The following C2orf74 variants were observed in gnomAD, a reference collection of about 807,000 sequenced individuals.
C2orf74 encodes uncharacterized protein C2orf74.
C2orf74 carries 14 observed loss-of-function variants against 17.9 expected under a neutral mutation model. That is an observed-to-expected ratio of 0.78 (90% CI 0.52 to 1.22). The LOEUF is 1.22. C2orf74 is among the 50% of genes most tolerant of loss of function. The probability of loss-of-function intolerance (pLI) is 0.00; values close to 1 mark genes in which losing one functional copy is unlikely to be tolerated. For synonymous variants in C2orf74, 79 were observed against 72.6 expected (o/e 1.09, Z -0.44); for missense variants, 217 against 218.4 (o/e 0.99, Z 0.04).
At chr2:61,148,770 G>A (rs1424971350) in intron 1 of C2orf74, among the ~76,000 whole-genome samples, 1 of 152,058 alleles carries the variant, frequency 6.6e-6, no homozygotes, top group East Asian at 1.9e-4. Flanking sequence ...AGGCTGGAGT[G>A]CAATGGCACA....
chr2:61,146,492 A>G (rs1278350412), intron 1 of C2orf74, among the ~76,000 whole-genome samples: 1 of 152,216 alleles, frequency 6.6e-6, no homozygotes, highest in Non-Finnish European at 1.5e-5. Context: ...TTCATTAAAA[A>G]CAAAAATAAC....
At chr2:61,162,776 T>C (rs1685602126) in intron 2 of C2orf74, 66 bp from the exon 3 acceptor site, 1 of 1,346,268 alleles carries the variant, frequency 7.4e-7, no homozygotes, top group African/African-American at 1.5e-5. Context: ...ACGTGAAGTT[T>C]CTATACCACA....
intron 1 of C2orf74, among the ~76,000 whole-genome samples, chr2:61,153,966 C>T (rs568022383): frequency 3.3e-5 from 5 of 151,830 alleles, no homozygotes; most frequent in East Asian, 1.9e-4. Context: ...TGGCTAGGCG[C>T]GATGGCTCAC....
chr2:61,149,693 C>G (rs1194352303), intron 1 of C2orf74, among the ~76,000 whole-genome samples: 3 of 151,294 alleles, frequency 2.0e-5, no homozygotes, highest in Admixed American at 2.0e-4. Flanking sequence ...ATTCTCCTGC[C>G]TCAGCCTCAC....
intron 4 of C2orf74, 138 bp downstream of exon 4, chr2:61,163,370 A>T (rs2420811): frequency 0.39 from 338,757 of 863,102 alleles, 68,526 homozygotes; most frequent in Middle Eastern, 0.52. Flanking sequence ...GCATTTTGGG[A>T]GGCCAAGGAG....
At chr2:61,156,138 G>T (rs1319664151) in intron 1 of C2orf74, among the ~76,000 whole-genome samples, 2 of 152,186 alleles carry the variant, frequency 1.3e-5, no homozygotes. Flanking sequence ...GGTTAAGGCT[G>T]CAGTGAGCTA....
In C2orf74 at chr2:61,163,294, A is replaced by C. The variant is rs1237121682; in HGVS notation, c.390+62A>C. 2.0e-6 allele frequency: 3 copies of C among 1,488,290 alleles called. No individual in the cohort carries two copies. The African/African-American group carries it at 4.2e-5, about 21-fold the overall frequency. The allele number at this position is 1,488,290 out of a possible 1,614,324, so 92.2% of individuals were successfully genotyped here. A position where few individuals can be genotyped will look rare whatever the true frequency, so the allele number is the denominator to read the frequency against. On this transcript the variant is annotated intron_variant, in intron 4 of 4. Transcript: ENST00000432605. Reference sequence around the variant, plus strand: ...ATTTGTTTGATTGAAAATAAGGTACATTCCTCAGCTAGGTATAATAATAGG... The same window carrying C: ...ATTTGTTTGATTGAAAATAAGGTACCTTCCTCAGCTAGGTATAATAATAGG...
At chr2:61,154,955 C>G (rs1559181724) in intron 1 of C2orf74, among the ~76,000 whole-genome samples, 1 of 151,750 alleles carries the variant, frequency 6.6e-6, no homozygotes, top group East Asian at 1.9e-4. Context: ...ATCCCAGCTA[C>G]TTGGGAGGCT....
intron 1 of C2orf74, among the ~76,000 whole-genome samples, chr2:61,147,523 T>C (rs1444013978): frequency 1.3e-5 from 2 of 152,230 alleles, no homozygotes; most frequent in Non-Finnish European, 2.9e-5. Flanking sequence ...CAGACTACTT[T>C]TTTTTGTCAA....
rs964923984 is a variant in C2orf74, at chr2:61,162,247, C to A, written c.-173C>A. On this transcript the variant is annotated 5_prime_UTR_variant, in exon 1 of 5. Transcript: ENST00000432605. Reference sequence around the variant, plus strand: ...GGGTGAGGGAGGTGAGCTGCGTGATCACACATGTCCCAGCTCAGTCTCCCC... The same window carrying A: ...GGGTGAGGGAGGTGAGCTGCGTGATAACACATGTCCCAGCTCAGTCTCCCC... 2.3e-5 allele frequency: 11 copies of A among 468,472 alleles called. No individual in the cohort carries two copies. The highest frequency in any genetic ancestry group is 1.4e-4 in the South Asian group (4 of 29,254). 29.0% of individuals were successfully genotyped at this position (468,472 alleles called of 1,614,324 possible).
At chr2:61,156,949 A>G (rs1685409323) in intron 1 of C2orf74, among the ~76,000 whole-genome samples, 1 of 152,174 alleles carries the variant, frequency 6.6e-6, no homozygotes, top group Non-Finnish European at 1.5e-5. Flanking sequence ...TTGCAGACCA[A>G]TGACAATTTA....
chr2:61,156,511 T>C (rs1559183364), intron 1 of C2orf74, among the ~76,000 whole-genome samples: 1 of 152,338 alleles, frequency 6.6e-6, no homozygotes, highest in East Asian at 1.9e-4. Flanking sequence ...AATATTTTAA[T>C]ATCAGAGTTG....
rs1685595935 is a variant in C2orf74, at chr2:61,162,618, C to A, written c.95+9C>A. ...GTTTTTTTATATAAATGGTATAAAT[C>A]CATGCTGATAATTGGGATCAGATTT... On this transcript the variant is annotated intron_variant, in intron 2 of 4. Coordinates refer to ENST00000432605, the MANE Select transcript of C2orf74 (RefSeq NM_001143959.4). 2 of 1,458,444 alleles carry A rather than the reference C, an allele frequency of 1.4e-6. No individual in the cohort carries two copies. Among genetic ancestry groups the A allele is most frequent in the Non-Finnish European group, 9.4e-7 (1 of 1,064,038 alleles). The allele number at this position is 1,458,444 out of a possible 1,614,324, so 90.3% of individuals were successfully genotyped here. A position where few individuals can be genotyped will look rare whatever the true frequency, so the allele number is the denominator to read the frequency against.
At position 61,162,885 on chromosome 2, in the gene C2orf74, A is replaced by G; in HGVS notation, c.139A>G (p.Thr47Ala). ...TAAAGAGACAAAGAAAGTGCCTTGT[A>G]CAGATGCAAACGGAGGTGTAGACTG... ...KGKETKKVPCTDANGGVDCAA... is the reference protein window; with the variant it reads ...KGKETKKVPCADANGGVDCAA... Residue 47 changes from threonine (T) to alanine (A), a missense_variant, in exon 3 of 5, where the codon ACA becomes GCA. By Grantham distance (58) the Thr-to-Ala change is moderately conservative. Coordinates refer to ENST00000432605, the MANE Select transcript of C2orf74 (RefSeq NM_001143959.4). 1.9e-6 allele frequency: 3 copies of G among 1,552,522 alleles called. No individual in the cohort carries two copies. Among genetic ancestry groups the G allele is most frequent in the Non-Finnish European group, 2.6e-6 (3 of 1,147,150 alleles).
intron 1 of C2orf74, among the ~76,000 whole-genome samples, chr2:61,153,359 C>G (rs1366619211): frequency 6.6e-6 from 1 of 151,742 alleles, no homozygotes; most frequent in South Asian, 2.1e-4. Flanking sequence ...CAGCTCACTG[C>G]AAGCTCCTCC....
chr2:61,157,818 G>A (rs532218130), upstream of C2orf74: 599 of 465,230 alleles, frequency 1.3e-3, no homozygotes, highest in Middle Eastern at 3.1e-3. Context: ...TCCTTTGAGC[G>A]TGCTCACTCA....
At position 61,162,478 on chromosome 2, in the gene C2orf74, G is replaced by A; in HGVS notation, c.-37G>A. ...CTGGAAAAGAATATTTGGACAGTCT[G>A]TGATTGTGAGAGTGGATGAGTCTTC... On this transcript the variant is annotated 5_prime_UTR_variant, in exon 2 of 5. The change creates a new upstream start codon in the 5' untranslated region. Coordinates refer to ENST00000432605, the MANE Select transcript of C2orf74 (RefSeq NM_001143959.4). The A allele has an allele frequency of 6.9e-7, 1 of 1,447,964 alleles. No homozygotes were observed. The allele number at this position is 1,447,964 out of a possible 1,614,324, so 89.7% of individuals were successfully genotyped here.
chr2:61,160,726 G>A (rs1685539719), upstream of C2orf74, among the ~76,000 whole-genome samples: 3 of 151,992 alleles, frequency 2.0e-5, no homozygotes, highest in African/African-American at 7.3e-5. Context: ...CTGACCTCAG[G>A]TGATCCACCC....
At chr2:61,163,298 C>G in intron 4 of C2orf74, 66 bp downstream of exon 4, 1 of 1,475,466 alleles carries the variant, frequency 6.8e-7, no homozygotes, top group Non-Finnish European at 9.1e-7. Context: ...AGGTACATTC[C>G]TCAGCTAGGT....
Sources: allele counts gnomAD v4.1 joint callset (sites outside exome capture counted in the v4.1 genomes callset), GRCh38; gene constraint gnomAD v4.1.1; transcripts MANE v1.5; gene names NCBI Gene and HGNC (gene_info 2026-07-23, HGNC 2026-07-21).